EHBP1: variants seen among roughly 807,000 people sequenced by gnomAD.
EHBP1 encodes EH domain binding protein 1.
EHBP1 carries 55 observed loss-of-function variants against 144.0 expected under a neutral mutation model. That is an observed-to-expected ratio of 0.38 (90% CI 0.31 to 0.48). The LOEUF is 0.48. Among genes scored for constraint, EHBP1 ranks in the 20% least tolerant of loss-of-function variants. EHBP1 has a pLI of 0.98. For synonymous variants in EHBP1, 469 were observed against 472.7 expected (o/e 0.99, Z 0.10); for missense variants, 1,200 against 1,364.2 (o/e 0.88, Z 1.90).
intron 7 of EHBP1, among the ~76,000 whole-genome samples, chr2:62,834,843 T>G (rs1420643518): frequency 6.6e-6 from 1 of 152,200 alleles, no homozygotes; most frequent in Non-Finnish European, 1.5e-5. Flanking sequence ...TTCATATATG[T>G]GGGTTCGGAA....
At chr2:62,861,155 A>T (rs1448407210) in intron 8 of EHBP1, among the ~76,000 whole-genome samples, 1 of 121,002 alleles carries the variant, frequency 8.3e-6, no homozygotes, top group Non-Finnish European at 1.6e-5. Flanking sequence ...TTTGAGACAG[A>T]GTCTCGCCCT....
At chr2:62,956,703 A>G (rs2153114662) in intron 14 of EHBP1, among the ~76,000 whole-genome samples, 1 of 151,588 alleles carries the variant, frequency 6.6e-6, no homozygotes, top group East Asian at 2.0e-4. Flanking sequence ...AAAAAAAAAA[A>G]AAAAACCACC....
At chr2:62,875,556 A>G (rs1176166328) in intron 10 of EHBP1, among the ~76,000 whole-genome samples, 2 of 152,250 alleles carry the variant, frequency 1.3e-5, no homozygotes, top group Admixed American at 6.5e-5. Context: ...AAGCCAGTGC[A>G]AGAACAATGG....
chr2:62,942,661 T>G, intron 10 of EHBP1, 57 bp from the exon 11 acceptor site: 1 of 1,462,334 alleles, frequency 6.8e-7, no homozygotes. Context: ...CAATTAATGT[T>G]AATTTTCATC....
chr2:62,773,393 A>G (rs2041814284), intron 5 of EHBP1, among the ~76,000 whole-genome samples: 1 of 152,168 alleles, frequency 6.6e-6, no homozygotes, highest in Non-Finnish European at 1.5e-5. Flanking sequence ...TACTTGCATA[A>G]GTAGATTTAA....
intron 8 of EHBP1, among the ~76,000 whole-genome samples, chr2:62,863,813 T>C (rs1469084504): frequency 1.3e-5 from 2 of 150,038 alleles, no homozygotes; most frequent in African/African-American, 2.4e-5. Flanking sequence ...TTTTATTTTA[T>C]TTTTTTAAAT....
chr2:62,717,075 T>TA (rs1403486716), intron 2 of EHBP1, among the ~76,000 whole-genome samples: 1 of 152,206 alleles, frequency 6.6e-6, no homozygotes, highest in Non-Finnish European at 1.5e-5. Flanking sequence ...GGCCAGTTTT[T>TA]ACTTAAAAAT....
chr2:62,764,445 T>C, intron 4 of EHBP1, 84 bp downstream of exon 4: 1 of 1,086,682 alleles, frequency 9.2e-7, no homozygotes, highest in Non-Finnish European at 1.3e-6. Context: ...CATTGTTCTA[T>C]ACATTTGTGT....
chr2:62,820,710 GGTGTGTGTGTGTGTGT>G (rs374529607), intron 5 of EHBP1, among the ~76,000 whole-genome samples: 10 of 88,710 alleles, frequency 1.1e-4, no homozygotes, highest in South Asian at 3.8e-4. Context: ...TATTCCATTG[GGTGTGTGTGTGTGTGT>G]GTGTGTGTAT....
At chr2:62,766,791 A>G (rs963030066) in intron 4 of EHBP1, among the ~76,000 whole-genome samples, 27 of 152,004 alleles carry the variant, frequency 1.8e-4, no homozygotes, top group Admixed American at 1.7e-3. Flanking sequence ...CTCTGGTAAA[A>G]TCATTTATTT....
At chr2:62,822,624 G>A (rs1392738232) in intron 5 of EHBP1, among the ~76,000 whole-genome samples, 2 of 152,148 alleles carry the variant, frequency 1.3e-5, no homozygotes, top group Non-Finnish European at 2.9e-5. Context: ...TCAACTTTAC[G>A]AGGTAATGTC....
intron 5 of EHBP1, among the ~76,000 whole-genome samples, chr2:62,791,059 G>T (rs2043137781): frequency 6.6e-6 from 1 of 151,894 alleles, no homozygotes; most frequent in African/African-American, 2.4e-5. Context: ...AATTCTCCTT[G>T]CTCATTTTCA....
At chr2:62,926,015 ATTC>A (rs1254058091) in intron 10 of EHBP1, among the ~76,000 whole-genome samples, 1 of 152,220 alleles carries the variant, frequency 6.6e-6, no homozygotes, top group Non-Finnish European at 1.5e-5. Context: ...TGACAAAACT[ATTC>A]TTACCAAAAC....
At chr2:62,771,117 A>T (rs1266221339) in intron 4 of EHBP1, among the ~76,000 whole-genome samples, 1 of 152,180 alleles carries the variant, frequency 6.6e-6, no homozygotes, top group African/African-American at 2.4e-5. Context: ...CTGTGCCATG[A>T]GTTTACCTAT....
chr2:62,949,237 A>G (rs986487298), intron 13 of EHBP1, 75 bp downstream of exon 13: 17 of 1,263,918 alleles, frequency 1.3e-5, no homozygotes, highest in East Asian at 4.9e-5. Flanking sequence ...TTGCATTCAT[A>G]GATGCTACAA....
chr2:62,976,635 TA>T (rs950187981), intron 14 of EHBP1, among the ~76,000 whole-genome samples: 11 of 152,192 alleles, frequency 7.2e-5, no homozygotes, highest in Non-Finnish European at 4.4e-5. Flanking sequence ...ATAGATGTTT[TA>T]CATGTTTTAG....
At chr2:62,942,673 TCC>T in intron 10 of EHBP1, 43 bp from the exon 11 acceptor site, 1 of 1,482,264 alleles carries the variant, frequency 6.7e-7, no homozygotes, top group Non-Finnish European at 9.1e-7. Flanking sequence ...ATTTTCATCT[TCC>T]ATTAAATTCT....
chr2:62,966,961 T>C (rs1037961344), intron 14 of EHBP1, among the ~76,000 whole-genome samples: 1 of 152,202 alleles, frequency 6.6e-6, no homozygotes, highest in African/African-American at 2.4e-5. Context: ...GCTGTAGCCT[T>C]TAAGCTATTT....
intron 7 of EHBP1, among the ~76,000 whole-genome samples, chr2:62,848,505 G>A (rs944405217): frequency 1.3e-5 from 2 of 152,086 alleles, no homozygotes; most frequent in African/African-American, 2.4e-5. Flanking sequence ...CAATTTATTC[G>A]TAATAGTCCC....
Sources: allele counts gnomAD v4.1 joint callset (sites outside exome capture counted in the v4.1 genomes callset), GRCh38; gene constraint gnomAD v4.1.1; transcripts MANE v1.5; gene names NCBI Gene and HGNC (gene_info 2026-07-23, HGNC 2026-07-21).